The following SMG5 variants were observed in gnomAD, a reference collection of about 807,000 sequenced individuals.
SMG5 encodes the protein nonsense-mediated mRNA decay factor SMG5.
SMG5 carries 53 observed loss-of-function variants against 122.9 expected under a neutral mutation model. The observed-to-expected ratio is 0.43, with a 90% CI of 0.35 to 0.54. The LOEUF (loss-of-function observed/expected upper bound fraction) is 0.54, where lower values mean the gene tolerates loss of function less well. Ranked by LOEUF, SMG5 falls within the 20% of genes least tolerant of loss-of-function variation. The pLI, the probability that SMG5 is intolerant of heterozygous loss-of-function variation, is 0.01. For missense variants in SMG5, 1,153 were observed against 1,285.6 expected (o/e 0.90, Z 1.58); for synonymous variants, 477 against 490.2 (o/e 0.97, Z 0.35).
At chr1:156,263,324 G>T in intron 13 of SMG5, 71 bp downstream of exon 13, 1 of 1,514,596 alleles carries the variant, frequency 6.6e-7, no homozygotes, top group Non-Finnish European at 9.0e-7. Context: ...GGATCCTCAG[G>T]CCCCATCCTG....
At chr1:156,275,131 T>TAAAAAAAAAAAAA (rs760480249) in intron 4 of SMG5, among the ~76,000 whole-genome samples, 17 of 86,754 alleles carry the variant, frequency 2.0e-4, no homozygotes, top group Non-Finnish European at 2.6e-4. Flanking sequence ...TGACGCCAAT[T>TAAAAAAAAAAAAA]AAAAAAAAAA....
chr1:156,267,751 A>G, intron 9 of SMG5, 73 bp from the exon 10 acceptor site: 1 of 1,328,508 alleles, frequency 7.5e-7, no homozygotes, highest in African/African-American at 1.5e-5. Flanking sequence ...GGAATACAAG[A>G]TTCAGAGAAA....
intron 19 of SMG5, among the ~76,000 whole-genome samples, chr1:156,252,044 C>A (rs1438406339): frequency 6.6e-6 from 1 of 152,196 alleles, no homozygotes; most frequent in Non-Finnish European, 1.5e-5. Flanking sequence ...CTCTGAGAAA[C>A]CTGATCACCT....
chr1:156,266,381 C>T lies in SMG5; in HGVS notation c.1256-1G>A, dbSNP rs540811306. ...ACAGGTTCCTTGGACTCTGGTTCAT[C>T]TGCGGAAAGAGGAAGGTCAGGTGGA... On this transcript the variant is annotated splice_acceptor_variant, in intron 11 of 21. Transcript: ENST00000361813. LOFTEE classifies it high-confidence loss of function. The T allele has an allele frequency of 1.2e-6, 2 of 1,609,562 alleles. No individual in the cohort carries two copies. Among genetic ancestry groups the T allele is most frequent in the Non-Finnish European group, 1.7e-6 (2 of 1,176,902 alleles).
intron 15 of SMG5, among the ~76,000 whole-genome samples, chr1:156,260,229 G>A (rs1442114542): frequency 6.6e-6 from 1 of 152,200 alleles, no homozygotes; most frequent in Non-Finnish European, 1.5e-5. Context: ...TTCTACAATA[G>A]TAGAAACTAC....
At chr1:156,263,290 A>G in intron 13 of SMG5, 105 bp downstream of exon 13, 1 of 1,292,182 alleles carries the variant, frequency 7.7e-7, no homozygotes, top group South Asian at 1.4e-5. Flanking sequence ...GCTTGGCAAT[A>G]ATTCTTGCCT....
intron 21 of SMG5, 25 bp from the exon 22 acceptor site, chr1:156,250,695 G>A: frequency 6.2e-7 from 1 of 1,611,966 alleles, no homozygotes; most frequent in Non-Finnish European, 8.5e-7. Flanking sequence ...AAGGAAAGAT[G>A]GAGAGGGTCT....
intron 4 of SMG5, among the ~76,000 whole-genome samples, chr1:156,276,846 A>C (rs1662706046): frequency 2.0e-5 from 3 of 152,240 alleles, no homozygotes; most frequent in Admixed American, 2.0e-4. Flanking sequence ...GACCTACTCT[A>C]GGTCTTTCTG....
Position 156,250,238 on chromosome 1 carries a change from C to T in SMG5, c.*349G>A, listed in dbSNP as rs531851366. 23 of 371,440 alleles carry T rather than the reference C, an allele frequency of 6.2e-5. No individual in the cohort carries two copies. Among genetic ancestry groups the T allele is most frequent in the South Asian group, 5.4e-4 (23 of 42,722 alleles). 23.0% of individuals were successfully genotyped at this position (371,440 alleles called of 1,614,324 possible). On this transcript the variant is annotated 3_prime_UTR_variant, in exon 22 of 22. Transcript: ENST00000361813. ...AGGAAGAAGGGCCTCTTTTGCTGTT[C>T]CTTCCCCTCAGAGATCCAAGAACCC...
At chr1:156,273,824 G>A (rs1366698075) in intron 5 of SMG5, among the ~76,000 whole-genome samples, 1 of 151,048 alleles carries the variant, frequency 6.6e-6, no homozygotes, top group Non-Finnish European at 1.5e-5. Context: ...CAAGTAGCTG[G>A]GACTACAGAT....
At chr1:156,286,351 T>G, upstream of SMG5, 1 of 1,614,192 alleles carries the variant, frequency 6.2e-7, no homozygotes, top group South Asian at 1.1e-5. Context: ...ACCGGCGATA[T>G]GTGGCCCAGT....
intron 6 of SMG5, 32 bp from the exon 7 acceptor site, chr1:156,272,430 G>A (rs1352558572): frequency 1.3e-6 from 2 of 1,560,074 alleles, no homozygotes; most frequent in East Asian, 2.3e-5. Flanking sequence ...GCAGTCTAAG[G>A]CCACAATACT....
chr1:156,291,438 A>G, the SMG5 span: 1 of 1,613,704 alleles, frequency 6.2e-7, no homozygotes, highest in African/African-American at 1.3e-5. Flanking sequence ...GGCTTCGGCT[A>G]CGGCCTGACG....
At chr1:156,286,036 G>C, upstream of SMG5, 1 of 1,561,662 alleles carries the variant, frequency 6.4e-7, no homozygotes, top group Non-Finnish European at 8.7e-7. Context: ...AGGAGGGCAG[G>C]GCCTGGCTGG....
intron 12 of SMG5, among the ~76,000 whole-genome samples, chr1:156,264,543 G>C (rs1662027385): frequency 6.6e-6 from 1 of 152,184 alleles, no homozygotes; most frequent in Admixed American, 6.5e-5. Flanking sequence ...CCTCAATAGA[G>C]TGGAAAAGGA....
chr1:156,287,916 C>G, the SMG5 span, among the ~76,000 whole-genome samples: 14 of 152,120 alleles, frequency 9.2e-5, no homozygotes, highest in East Asian at 1.8e-3. Flanking sequence ...CTGCGCCTGG[C>G]CCTTACTCTC....
chr1:156,287,679 G>A (rs545337648), upstream of SMG5, among the ~76,000 whole-genome samples: 22 of 148,724 alleles, frequency 1.5e-4, no homozygotes, highest in Admixed American at 8.1e-4. Context: ...TACAATGGCA[G>A]GATCTCAGCT....
intron 16 of SMG5, among the ~76,000 whole-genome samples, chr1:156,255,617 A>G (rs986833189): frequency 1.3e-5 from 2 of 149,520 alleles, no homozygotes; most frequent in East Asian, 2.0e-4. Flanking sequence ...CAGGCACAGT[A>G]GCTCATGCCT....
rs117839248 is a variant in SMG5, at chr1:156,254,736, C to A, written c.2443-1228G>T. On this transcript the variant is annotated intron_variant, in intron 16 of 21. Transcript: ENST00000361813. ...CTGGGATTACTGGTGCGAGCCACAG[C>A]GCCCAGCCCACTGAAGACTCTTTGA... Among the ~76,000 whole-genome samples, 29 of 152,196 alleles carry A rather than the reference C, an allele frequency of 1.9e-4. No individual in the cohort carries two copies. In the East Asian group the frequency reaches 5.4e-3, roughly 29 times the overall value.
Sources: gnomAD v4.1 joint callset for allele counts (sites outside exome capture counted in the v4.1 genomes callset) on GRCh38, gnomAD v4.1.1 for gene constraint, MANE v1.5 for transcripts, NCBI Gene and HGNC (gene_info 2026-07-23, HGNC 2026-07-21) for gene names.